The following PPP2R5A variants were observed in gnomAD, a reference collection of about 807,000 sequenced individuals.
The protein encoded by PPP2R5A is serine/threonine-protein phosphatase 2A 56 kDa regulatory subunit alpha isoform.
Under a neutral mutation model 64.2 loss-of-function variants are expected in PPP2R5A, and 25 were observed. That is an observed-to-expected ratio of 0.39 (90% CI 0.28 to 0.54). PPP2R5A has a LOEUF of 0.54. Ranked by LOEUF, PPP2R5A falls within the 20% of genes least tolerant of loss-of-function variation. PPP2R5A has a pLI of 0.67. For missense variants in PPP2R5A, 425 were observed against 576.3 expected, an observed-to-expected ratio of 0.74 and a Z score of 2.69; for synonymous variants, 198 against 201.2, an observed-to-expected ratio of 0.98 and a Z score of 0.13.
intron 1 of PPP2R5A, among the ~76,000 whole-genome samples, chr1:212,305,957 GA>G (rs1658892604): frequency 6.6e-6 from 1 of 152,108 alleles, no homozygotes; most frequent in South Asian, 2.1e-4. Flanking sequence ...TAAGGAAATT[GA>G]ACACTTGAAC....
At position 212,285,915 on chromosome 1, in the gene PPP2R5A, A is replaced by G. The variant is rs351409; in HGVS notation, c.-196A>G. ...CGCGCGCCGGGGACCAGGAACCTCC[A>G]GCGCTGAGATGTGGCCGTGAGGCGT... On this transcript the variant is annotated 5_prime_UTR_variant, in exon 1 of 13. Coordinates refer to ENST00000261461, the MANE Select transcript of PPP2R5A (RefSeq NM_006243.4). 17,270 of 454,014 alleles carry G rather than the reference A, an allele frequency of 0.038. 791 individuals carry two copies. The highest frequency in any genetic ancestry group is 0.16 in the African/African-American group (7,811 of 48,370). The allele number at this position is 454,014 out of a possible 1,614,324, so 28.1% of individuals were successfully genotyped here.
chr1:212,315,277 C>T (rs978702933), intron 1 of PPP2R5A, among the ~76,000 whole-genome samples: 12 of 152,136 alleles, frequency 7.9e-5, no homozygotes, highest in African/African-American at 2.9e-4. Context: ...GTTTGTAAGG[C>T]AGAGGAATAG....
chr1:212,354,842 T>C (rs1235085545), intron 8 of PPP2R5A, among the ~76,000 whole-genome samples: 1 of 152,192 alleles, frequency 6.6e-6, no homozygotes. Context: ...CAAATACTAT[T>C]GTTACAACTG....
At chr1:212,308,112 T>G (rs1017966897) in intron 1 of PPP2R5A, among the ~76,000 whole-genome samples, 1 of 152,198 alleles carries the variant, frequency 6.6e-6, no homozygotes, top group Non-Finnish European at 1.5e-5. Flanking sequence ...GCCTTCATTT[T>G]TGAAAGATCG....
chr1:212,360,609 T>A (rs1660062020), intron 12 of PPP2R5A, 29 bp from the exon 13 acceptor site: 1 of 1,515,320 alleles, frequency 6.6e-7, no homozygotes, highest in African/African-American at 1.4e-5. Context: ...AAATAATTTC[T>A]GATTACAAAA....
At chr1:212,302,099 A>T (rs546935551) in intron 1 of PPP2R5A, 2 of 1,510,422 alleles carry the variant, frequency 1.3e-6, no homozygotes, top group Admixed American at 2.0e-5. Flanking sequence ...ATGAGTATGT[A>T]TATTAAGATT....
intron 1 of PPP2R5A, among the ~76,000 whole-genome samples, chr1:212,318,619 A>C (rs376320566): frequency 6.6e-6 from 1 of 152,210 alleles, no homozygotes; most frequent in Non-Finnish European, 1.5e-5. Context: ...TCCTTGGTTA[A>C]TACTTGGGAA....
At chr1:212,352,803 A>G (rs1423050625) in intron 8 of PPP2R5A, 1 of 519,000 alleles carries the variant, frequency 1.9e-6, no homozygotes, top group South Asian at 1.4e-5. Flanking sequence ...ATTGGCTTAA[A>G]ATAGCAAGCA....
intron 1 of PPP2R5A, among the ~76,000 whole-genome samples, chr1:212,294,306 T>C (rs1658653861): frequency 6.6e-6 from 1 of 152,204 alleles, no homozygotes; most frequent in South Asian, 2.1e-4. Flanking sequence ...GGTGAGACAG[T>C]TTTTGTTATA....
rs757573649 is a variant in PPP2R5A, at chr1:212,360,905, A to T, written c.*135A>T. 84 of 773,998 alleles carry T rather than the reference A, an allele frequency of 1.1e-4. No homozygotes were observed. The highest frequency in any genetic ancestry group is 1.6e-4 in the Non-Finnish European group (83 of 532,696). 47.9% of individuals were successfully genotyped at this position (773,998 alleles called of 1,614,324 possible). On this transcript the variant is annotated 3_prime_UTR_variant, in exon 13 of 13. Transcript: ENST00000261461. ...TTTTTCTGGCAACTGTAAATGGAAAAATATATGGACTAAACGTAGCCCTGT... is the reference window on the plus strand; with the variant it reads ...TTTTTCTGGCAACTGTAAATGGAAATATATATGGACTAAACGTAGCCCTGT...
In PPP2R5A at chr1:212,361,405, A is replaced by AATATCCCCC. The variant is rs910183293; in HGVS notation, c.*636_*644dup. The AATATCCCCC allele has an allele frequency of 1.3e-5, 2 of 152,632 alleles. No homozygotes were observed. Among genetic ancestry groups the AATATCCCCC allele is most frequent in the African/African-American group, 4.8e-5 (2 of 41,448 alleles). The allele number at this position is 152,632 out of a possible 1,614,324, so 9.5% of individuals were successfully genotyped here. A position where few individuals can be genotyped will look rare whatever the true frequency, so the allele number is the denominator to read the frequency against. On this transcript the variant is annotated 3_prime_UTR_variant, in exon 13 of 13. Coordinates refer to ENST00000261461, the MANE Select transcript of PPP2R5A (RefSeq NM_006243.4). ...AAAATTCTTCAGATTGTTCCTCATG[A>AATATCCCCC]ATATCCCCCTTCCTCTGCAATTCTC...
intron 11 of PPP2R5A, 168 bp downstream of exon 11, chr1:212,357,452 G>C: frequency 1.8e-6 from 1 of 556,334 alleles, no homozygotes; most frequent in Non-Finnish European, 2.8e-6. Context: ...CCTTTATCAA[G>C]TTATAAATGT....
rs755416936 is a variant in PPP2R5A at position 212,357,044 on chromosome 1, A to G, written c.1073A>G (p.Lys358Arg). 1.9e-6 allele frequency: 3 copies of G among 1,611,958 alleles called. No homozygotes were observed. The highest frequency in any genetic ancestry group is 2.5e-6 in the Non-Finnish European group (3 of 1,179,214). The stretch of plus-strand genomic sequence containing the variant: ...GAGCCACTTTTCAAGCAGATATCCA[A>G]GTGTGTATCCAGTTCTCATTTTCAG... ...IEEPLFKQISKCVSSSHFQVA... is the reference protein window; with the variant it reads ...IEEPLFKQISRCVSSSHFQVA... Residue 358 changes from lysine (K) to arginine (R), a missense_variant, in exon 10 of 13, where the codon AAG becomes AGG. Coordinates refer to ENST00000261461, the MANE Select transcript of PPP2R5A (RefSeq NM_006243.4).
At chr1:212,296,902 A>C (rs1261187540) in intron 1 of PPP2R5A, among the ~76,000 whole-genome samples, 1 of 152,190 alleles carries the variant, frequency 6.6e-6, no homozygotes, top group Non-Finnish European at 1.5e-5. Flanking sequence ...TAGGTAGGTT[A>C]CATTCTTATG....
chr1:212,342,667 CG>C (rs1396914706), intron 4 of PPP2R5A, among the ~76,000 whole-genome samples: 6 of 151,908 alleles, frequency 3.9e-5, no homozygotes, highest in Non-Finnish European at 7.4e-5. Context: ...TTTGAAATGA[CG>C]GGGGAAAAAA....
At chr1:212,320,745 C>T (rs1659264020) in intron 1 of PPP2R5A, among the ~76,000 whole-genome samples, 1 of 140,702 alleles carries the variant, frequency 7.1e-6, no homozygotes, top group South Asian at 2.3e-4. Context: ...CTCCTCTCTT[C>T]CCAGTAGGGG....
intron 5 of PPP2R5A, 76 bp from the exon 6 acceptor site, chr1:212,347,271 C>T: frequency 9.4e-7 from 1 of 1,069,250 alleles, no homozygotes; most frequent in Non-Finnish European, 1.4e-6. Flanking sequence ...GGATTGATTT[C>T]TTCACCCTCC....
chr1:212,298,863 C>A (rs1216906133), intron 1 of PPP2R5A, among the ~76,000 whole-genome samples: 2 of 40,494 alleles, frequency 4.9e-5, no homozygotes, highest in East Asian at 4.1e-4. Context: ...GACGGGGCGG[C>A]TGGCCAGGCG....
chr1:212,332,836 C>T (rs977467898), intron 2 of PPP2R5A, among the ~76,000 whole-genome samples: 3 of 152,012 alleles, frequency 2.0e-5, no homozygotes, highest in Non-Finnish European at 4.4e-5. Flanking sequence ...TAACTTTTTC[C>T]CTCGAATTCC....
Sources: allele counts gnomAD v4.1 joint callset (sites outside exome capture counted in the v4.1 genomes callset), GRCh38; gene constraint gnomAD v4.1.1; transcripts MANE v1.5; gene names NCBI Gene and HGNC (gene_info 2026-07-23, HGNC 2026-07-21).